CCDC148: variants seen among roughly 807,000 people sequenced by gnomAD.
CCDC148 encodes coiled-coil domain-containing protein 148.
A neutral mutation model predicts 85.7 loss-of-function variants in CCDC148; 89 were observed. The observed-to-expected ratio is 1.04, with a 90% confidence interval of 0.87 to 1.24. CCDC148 has a LOEUF of 1.24. CCDC148 is among the 50% of genes most tolerant of loss of function. CCDC148 has a pLI of 0.00. For missense variants in CCDC148, 692 were observed against 671.7 expected, an observed-to-expected ratio of 1.03 and a Z score of -0.33; for synonymous variants, 230 against 213.9, an observed-to-expected ratio of 1.08 and a Z score of -0.66.
intron 12 of CCDC148, among the ~76,000 whole-genome samples, 195 bp from the exon 13 acceptor site, chr2:158,176,856 T>C (rs975012577): frequency 1.3e-5 from 2 of 152,120 alleles, no homozygotes; most frequent in African/African-American, 4.8e-5. Context: ...AGACAATACA[T>C]ATAAGACAAA....
Position 158,340,326 on chromosome 2 carries a change from T to C in CCDC148, c.402A>G (p.Arg134=). The C allele has an allele frequency of 6.2e-7, 1 of 1,613,940 alleles. No homozygotes were observed. The highest frequency in any genetic ancestry group is 1.1e-5 in the South Asian group (1 of 91,072). Residue 134 remains arginine, a synonymous_variant, in exon 5 of 14, where the codon AGA becomes AGG. Coordinates refer to ENST00000283233, the MANE Select transcript of CCDC148 (RefSeq NM_138803.4). ...GATGCTGTCTGTATTTTAGATCTGC[T>C]CTCAGCTGCTGAATAGGATTTATTA... is the stretch of plus-strand genomic sequence containing the variant. The part of the protein sequence containing the change: ...KNVINPIQQL[R]ADLKYRQHHT...
chr2:158,438,231 A>G (rs977292027), intron 1 of CCDC148, among the ~76,000 whole-genome samples: 10 of 152,168 alleles, frequency 6.6e-5, no homozygotes, highest in African/African-American at 2.4e-4. Context: ...ACTATACTAC[A>G]AGGCCTCAGT....
chr2:158,271,823 T>C (rs1200022624), intron 9 of CCDC148, among the ~76,000 whole-genome samples: 1 of 152,196 alleles, frequency 6.6e-6, no homozygotes, highest in Admixed American at 6.6e-5. Context: ...GATATGTGAC[T>C]ACTAAGTATT....
intron 2 of CCDC148, among the ~76,000 whole-genome samples, chr2:158,357,203 C>T (rs1183219699): frequency 6.8e-6 from 1 of 147,808 alleles, no homozygotes; most frequent in East Asian, 2.0e-4. Flanking sequence ...ACTATGTGCA[C>T]ATGTACCCTA....
At chr2:158,198,613 T>A (rs115556662) in intron 11 of CCDC148, among the ~76,000 whole-genome samples, 1 of 152,218 alleles carries the variant, frequency 6.6e-6, no homozygotes, top group Admixed American at 6.5e-5. Flanking sequence ...TGGGATTTCA[T>A]TGGACTTTTT....
At chr2:158,263,856 G>A (rs898050644) in intron 9 of CCDC148, among the ~76,000 whole-genome samples, 2 of 151,772 alleles carry the variant, frequency 1.3e-5, no homozygotes, top group African/African-American at 4.8e-5. Context: ...ATGCCTAGCA[G>A]GGGAAGGTGA....
chr2:158,266,897 T>C (rs1179586475), intron 9 of CCDC148, among the ~76,000 whole-genome samples: 1 of 124,004 alleles, frequency 8.1e-6, no homozygotes, highest in East Asian at 2.1e-4. Context: ...TTTATTTACA[T>C]ATATATATAC....
intron 1 of CCDC148, among the ~76,000 whole-genome samples, chr2:158,421,750 T>G (rs1260054559): frequency 5.3e-5 from 8 of 151,912 alleles, no homozygotes; most frequent in East Asian, 1.9e-4. Context: ...GAGCAGAACG[T>G]AAGGAGATAG....
intron 7 of CCDC148, among the ~76,000 whole-genome samples, chr2:158,322,353 A>G (rs934411919): frequency 2.0e-5 from 3 of 152,132 alleles, no homozygotes; most frequent in Non-Finnish European, 4.4e-5. Flanking sequence ...TATTTAATAC[A>G]TGACCTAAAT....
intron 9 of CCDC148, among the ~76,000 whole-genome samples, chr2:158,260,696 T>C (rs1434944899): frequency 6.6e-6 from 1 of 151,946 alleles, no homozygotes; most frequent in Admixed American, 6.6e-5. Flanking sequence ...TGTACAAAAA[T>C]CACTAGCATT....
At chr2:158,239,043 A>G (rs1309908169) in intron 10 of CCDC148, among the ~76,000 whole-genome samples, 1 of 152,180 alleles carries the variant, frequency 6.6e-6, no homozygotes, top group Non-Finnish European at 1.5e-5. Flanking sequence ...TGAGGATCAT[A>G]TAAGTATCTA....
At chr2:158,389,009 T>G (rs559184785) in intron 1 of CCDC148, among the ~76,000 whole-genome samples, 50 of 152,242 alleles carry the variant, frequency 3.3e-4, no homozygotes, top group African/African-American at 1.2e-3. Flanking sequence ...AACAATATAT[T>G]AAAATGTAGA....
chr2:158,326,641 A>C (rs1283173991), intron 7 of CCDC148, among the ~76,000 whole-genome samples: 1 of 152,158 alleles, frequency 6.6e-6, no homozygotes, highest in Non-Finnish European at 1.5e-5. Context: ...TGTACCTGAT[A>C]TGTTGCCAAC....
chr2:158,270,230 C>T (rs1244206131), intron 9 of CCDC148, among the ~76,000 whole-genome samples: 2 of 152,040 alleles, frequency 1.3e-5, no homozygotes, highest in African/African-American at 4.8e-5. Flanking sequence ...TGTAAATTGG[C>T]ATTGTTTTAT....
chr2:158,362,747 C>A (rs1684017995), intron 1 of CCDC148, among the ~76,000 whole-genome samples: 1 of 151,920 alleles, frequency 6.6e-6, no homozygotes, highest in African/African-American at 2.4e-5. Context: ...ACCCTAACAT[C>A]ACAATAAAAA....
intron 7 of CCDC148, among the ~76,000 whole-genome samples, chr2:158,332,073 C>G (rs1011919945): frequency 3.1e-4 from 47 of 152,020 alleles, no homozygotes; most frequent in African/African-American, 1.1e-3. Context: ...TTATTTTGCT[C>G]GTTAGTTGAT....
intron 9 of CCDC148, 27 bp from the exon 10 acceptor site, chr2:158,250,939 C>T: frequency 6.3e-7 from 1 of 1,586,290 alleles, no homozygotes; most frequent in African/African-American, 1.4e-5. Context: ...AACTTCATTC[C>T]AGTAACTATG....
At chr2:158,252,856 AC>A (rs200313234) in intron 9 of CCDC148, among the ~76,000 whole-genome samples, 4,201 of 151,770 alleles carry the variant, frequency 0.028, 184 homozygotes, top group African/African-American at 0.095. Flanking sequence ...CCTATGTTAA[AC>A]TCTTTAAGAC....
At chr2:158,231,305 C>G (rs889775455) in intron 10 of CCDC148, among the ~76,000 whole-genome samples, 20 of 152,128 alleles carry the variant, frequency 1.3e-4, no homozygotes, top group African/African-American at 4.8e-4. Context: ...CTTACTTTAT[C>G]TTTAAGATGA....
Sources: gnomAD v4.1 joint callset for allele counts (sites outside exome capture counted in the v4.1 genomes callset) on GRCh38, gnomAD v4.1.1 for gene constraint, MANE v1.5 for transcripts, NCBI Gene and HGNC (gene_info 2026-07-23, HGNC 2026-07-21) for gene names.